The following IL1RAPL1 variants were observed in gnomAD, a reference collection of about 807,000 sequenced individuals.
The protein encoded by IL1RAPL1 is interleukin-1 receptor accessory protein-like 1.
IL1RAPL1 carries 3 observed loss-of-function variants against 48.4 expected under a neutral mutation model. That is an observed-to-expected ratio of 0.06 (90% CI 0.03 to 0.16). The LOEUF is 0.16. Among genes scored for constraint, IL1RAPL1 ranks in the 10% least tolerant of loss-of-function variants. The pLI, the probability that IL1RAPL1 is intolerant of heterozygous loss-of-function variation, is 1.00. For synonymous variants in IL1RAPL1, 185 were observed against 187.7 expected (o/e 0.99, Z 0.12); for missense variants, 349 against 530.6 (o/e 0.66, Z 3.36).
chrX:29,699,818 G>A (rs769198422), intron 6 of IL1RAPL1, among the ~76,000 whole-genome samples: 1 of 112,323 alleles, frequency 8.9e-6, no homozygotes, highest in Non-Finnish European at 1.9e-5. Context: ...TAAAGAGAAA[G>A]GATGACTTCA....
intron 6 of IL1RAPL1, among the ~76,000 whole-genome samples, chrX:29,751,023 C>T (rs1928448394): frequency 9.0e-6 from 1 of 111,143 alleles, no homozygotes; most frequent in Non-Finnish European, 1.9e-5. Flanking sequence ...GTAGTTGATC[C>T]CCTCAACTCT....
intron 2 of IL1RAPL1, among the ~76,000 whole-genome samples, chrX:29,079,313 T>G (rs1291649529): frequency 9.0e-6 from 1 of 111,600 alleles, no homozygotes; most frequent in African/African-American, 3.3e-5. Context: ...GGACTGAATT[T>G]TGGGACCAAA....
chrX:28,685,683 G>A (rs192667355), intron 1 of IL1RAPL1, among the ~76,000 whole-genome samples: 1 of 111,708 alleles, frequency 9.0e-6, no homozygotes. Flanking sequence ...CTGGTACATA[G>A]GAGATGACGG....
intron 6 of IL1RAPL1, among the ~76,000 whole-genome samples, chrX:29,847,268 A>G (rs1369281070): frequency 8.9e-6 from 1 of 111,848 alleles, no homozygotes. Context: ...GACTATTTTA[A>G]TTCAGAAGGA....
chrX:28,838,203 C>T lies in IL1RAPL1; in HGVS notation c.82+48778C>T, dbSNP rs139439957. ...CTGGAAGGAGTCTTAGAATCCATCC[C>T]GTCTAAACCCCTCATTTGAGAGTTC... On this transcript the variant is annotated intron_variant, in intron 2 of 10. Coordinates refer to ENST00000378993, the MANE Select transcript of IL1RAPL1 (RefSeq NM_014271.4). Among the ~76,000 whole-genome samples the T allele has an allele frequency of 5.2e-3, 576 of 110,984 alleles. 2 individuals are homozygous for T. Among genetic ancestry groups the T allele is most frequent in the Non-Finnish European group, 7.7e-3 (408 of 52,707 alleles).
intron 2 of IL1RAPL1, among the ~76,000 whole-genome samples, chrX:29,009,279 G>T (rs140212127): frequency 0.011 from 1,247 of 111,355 alleles, 21 homozygotes; most frequent in African/African-American, 0.039. Flanking sequence ...AAAATCATTT[G>T]TACACCAAAT....
At position 28,928,099 on chromosome X, in the gene IL1RAPL1, CAACA is replaced by C. The variant is rs756479336; in HGVS notation, c.82+138682_82+138685del. 3.4e-3 allele frequency among the ~76,000 whole-genome samples: 377 copies of C among 110,722 alleles called. 1 individual carries two copies. Among genetic ancestry groups the C allele is most frequent in the African/African-American group, 0.011 (335 of 30,450 alleles). On this transcript the variant is annotated intron_variant, in intron 2 of 10. Transcript: ENST00000378993. ...TTTCCATCAGACCTCCCAGCATAAA[CAACA>C]AACAAACCTGCTGAGCCCTCACTGA...
At chrX:28,748,392 C>T (rs754049541) in intron 1 of IL1RAPL1, among the ~76,000 whole-genome samples, 2 of 111,633 alleles carry the variant, frequency 1.8e-5, no homozygotes, top group African/African-American at 3.2e-5. Context: ...AAACAATCCC[C>T]ATCCCTTTTA....
intron 5 of IL1RAPL1, among the ~76,000 whole-genome samples, chrX:29,639,286 T>C (rs891979858): frequency 5.4e-5 from 6 of 111,910 alleles, no homozygotes; most frequent in Non-Finnish European, 1.1e-4. Context: ...GGACTAGACA[T>C]GCCTGGCTCT....
At chrX:29,453,757 C>T (rs959557920) in intron 5 of IL1RAPL1, among the ~76,000 whole-genome samples, 2 of 111,970 alleles carry the variant, frequency 1.8e-5, no homozygotes, top group Admixed American at 9.5e-5. Flanking sequence ...ATGGTTGAGA[C>T]GATCGAATGC....
At chrX:29,788,816 T>C (rs1223245707) in intron 6 of IL1RAPL1, among the ~76,000 whole-genome samples, 1 of 111,920 alleles carries the variant, frequency 8.9e-6, no homozygotes, top group Non-Finnish European at 1.9e-5. Context: ...ACTTAAATGG[T>C]CAAACCAAAA....
At chrX:29,317,696 A>C (rs976864674) in intron 3 of IL1RAPL1, among the ~76,000 whole-genome samples, 1 of 112,306 alleles carries the variant, frequency 8.9e-6, no homozygotes, top group East Asian at 2.8e-4. Flanking sequence ...GAAATACAAT[A>C]TGTCTTCTGG....
chrX:29,761,457 T>C (rs1928751048), intron 6 of IL1RAPL1, among the ~76,000 whole-genome samples: 1 of 112,066 alleles, frequency 8.9e-6, no homozygotes, highest in African/African-American at 3.2e-5. Context: ...ATAGAAAAGC[T>C]GCTGTGTGTA....
intron 3 of IL1RAPL1, among the ~76,000 whole-genome samples, chrX:29,283,898 A>G (rs1197035925): frequency 1.8e-5 from 2 of 112,787 alleles, no homozygotes; most frequent in African/African-American, 6.4e-5. Flanking sequence ...CATTGAAGCA[A>G]TGCCCATGTA....
chrX:29,240,224 A>ATAT (rs1370970751), intron 2 of IL1RAPL1, among the ~76,000 whole-genome samples: 5 of 13,346 alleles, frequency 3.7e-4, no homozygotes, highest in Non-Finnish European at 4.5e-4. Flanking sequence ...ATATATATAT[A>ATAT]TTTTTTTTTT....
At chrX:29,476,500 A>G (rs1487434671) in intron 5 of IL1RAPL1, among the ~76,000 whole-genome samples, 1 of 111,713 alleles carries the variant, frequency 9.0e-6, no homozygotes, top group Non-Finnish European at 1.9e-5. Flanking sequence ...AGTCTTATTT[A>G]TCTGTTCTCT....
chrX:29,148,474 C>T (rs1045438486), intron 2 of IL1RAPL1, among the ~76,000 whole-genome samples: 2 of 111,944 alleles, frequency 1.8e-5, no homozygotes, highest in African/African-American at 6.5e-5. Context: ...TGAAAACAAA[C>T]GTCAATCATT....
intron 2 of IL1RAPL1, among the ~76,000 whole-genome samples, chrX:29,144,656 T>C (rs1164264617): frequency 9.4e-6 from 1 of 106,125 alleles, no homozygotes; most frequent in Non-Finnish European, 1.9e-5. Context: ...TCTCCTTTCC[T>C]TAATATAAAT....
intron 3 of IL1RAPL1, among the ~76,000 whole-genome samples, chrX:29,317,402 C>A: frequency 8.9e-6 from 1 of 112,165 alleles, no homozygotes; most frequent in African/African-American, 3.2e-5. Flanking sequence ...CCACCTTTGG[C>A]TTTTCTTACT....
Sources: gnomAD v4.1 joint callset for allele counts (sites outside exome capture counted in the v4.1 genomes callset) on GRCh38, gnomAD v4.1.1 for gene constraint, MANE v1.5 for transcripts, NCBI Gene and HGNC (gene_info 2026-07-23, HGNC 2026-07-21) for gene names.